DISC1: variants seen among roughly 807,000 people sequenced by gnomAD.
DISC1 encodes disrupted in schizophrenia 1 protein.
A neutral mutation model predicts 84.5 loss-of-function variants in DISC1; 57 were observed. The ratio of observed to expected loss-of-function variants is 0.67; its 90% confidence interval spans 0.55 to 0.84. DISC1 has a LOEUF of 0.84. Ranked by LOEUF, DISC1 falls within the 40% of genes least tolerant of loss-of-function variation. DISC1 has a pLI of 0.00. For missense variants in DISC1, 1,000 were observed against 1,057.8 expected (o/e 0.95, Z 0.76); for synonymous variants, 411 against 415.2 (o/e 0.99, Z 0.12).
intron 1 of DISC1, among the ~76,000 whole-genome samples, chr1:231,660,286 A>G (rs1372129640): frequency 1.3e-5 from 2 of 152,012 alleles, no homozygotes. Flanking sequence ...AGAAATTAGG[A>G]TTGCAACCCC....
chr1:231,824,095 A>T (rs1031592010), intron 9 of DISC1, among the ~76,000 whole-genome samples: 2 of 152,110 alleles, frequency 1.3e-5, no homozygotes, highest in African/African-American at 2.4e-5. Flanking sequence ...TATCCTGTAC[A>T]CTCACCAAAT....
At chr1:231,900,200 G>T (rs889542670) in intron 9 of DISC1, among the ~76,000 whole-genome samples, 1 of 152,112 alleles carries the variant, frequency 6.6e-6, no homozygotes, top group Non-Finnish European at 1.5e-5. Flanking sequence ...ACAGGAGATC[G>T]CTATTATCAG....
chr1:231,929,467 C>CGTCTATTAGTCTGCCGCTGTGCTGTT (rs2090528816), intron 9 of DISC1, among the ~76,000 whole-genome samples: 1 of 152,206 alleles, frequency 6.6e-6, no homozygotes, highest in Non-Finnish European at 1.5e-5. Flanking sequence ...TTCATGCTGT[C>CGTCTATTAGTCTGCCGCTGTGCTGTT]GTCTATTAGT....
At chr1:231,943,150 G>C (rs1182359758) in intron 9 of DISC1, among the ~76,000 whole-genome samples, 2 of 152,220 alleles carry the variant, frequency 1.3e-5, no homozygotes, top group Non-Finnish European at 2.9e-5. Context: ...GCTAAATATA[G>C]CATGTTCTAT....
At chr1:231,809,314 C>G (rs940501579) in intron 8 of DISC1, among the ~76,000 whole-genome samples, 1 of 152,092 alleles carries the variant, frequency 6.6e-6, no homozygotes, top group Admixed American at 6.5e-5. Flanking sequence ...AGTGAGGGAG[C>G]CTGGTGAGGG....
At chr1:231,869,382 G>T (rs1181272098) in intron 9 of DISC1, among the ~76,000 whole-genome samples, 1 of 152,112 alleles carries the variant, frequency 6.6e-6, no homozygotes, top group African/African-American at 2.4e-5. Context: ...AGATGTCAAA[G>T]ATGAAGACCT....
intron 9 of DISC1, among the ~76,000 whole-genome samples, chr1:231,868,692 T>TTTTATATATATATA (rs2085227096): frequency 1.8e-5 from 2 of 108,842 alleles, no homozygotes; most frequent in Admixed American, 1.0e-4. Context: ...ACCCCATCTC[T>TTTTATATATATATA]TATATATATA....
chr1:231,716,491 A>C (rs1201201487), intron 3 of DISC1, among the ~76,000 whole-genome samples: 1 of 152,084 alleles, frequency 6.6e-6, no homozygotes, highest in Admixed American at 6.6e-5. Context: ...TTTCTGCCTG[A>C]TGCTTTGTTG....
At chr1:231,867,937 G>T (rs1574331150) in intron 9 of DISC1, among the ~76,000 whole-genome samples, 1 of 152,206 alleles carries the variant, frequency 6.6e-6, no homozygotes. Flanking sequence ...GCAAGGGAGA[G>T]AAAAAAGCTG....
At chr1:231,659,192 T>C (rs2061381573) in intron 1 of DISC1, among the ~76,000 whole-genome samples, 1 of 152,208 alleles carries the variant, frequency 6.6e-6, no homozygotes, top group African/African-American at 2.4e-5. Flanking sequence ...TTCAATTTCT[T>C]CCTGGTTCAG....
intron 10 of DISC1, among the ~76,000 whole-genome samples, chr1:231,966,300 C>T (rs1313776683): frequency 3.3e-5 from 5 of 152,194 alleles, no homozygotes; most frequent in Non-Finnish European, 7.3e-5. Flanking sequence ...TACTCTCACT[C>T]CTTCAGGGTT....
Position 231,928,780 on chromosome 1 carries a change from G to T in DISC1, c.1982-30048G>T, listed in dbSNP as rs189573759. ...TGACTTTGTTCTCATTGGTTTCAAAGAACTTATTTATTCCTGCCTTAATTT... is the reference window on the plus strand; with the variant it reads ...TGACTTTGTTCTCATTGGTTTCAAATAACTTATTTATTCCTGCCTTAATTT... On this transcript the variant is annotated intron_variant, in intron 9 of 12. Transcript: ENST00000439617. Among the ~76,000 whole-genome samples the T allele has an allele frequency of 2.5e-4, 38 of 152,290 alleles. 2 individuals carry two copies. The East Asian group carries it at 5.8e-3, about 23-fold the overall frequency.
Position 232,029,848 on chromosome 1 carries a change from C to T in DISC1, c.2425+3296C>T, listed in dbSNP as rs148824171. Reference sequence around the variant, plus strand: ...AGGGGTGGGCAGTGGGACTGAGTTTCCAAATAGGTCCTTGTGGCCTCCTGA... The same window carrying T: ...AGGGGTGGGCAGTGGGACTGAGTTTTCAAATAGGTCCTTGTGGCCTCCTGA... On this transcript the variant is annotated intron_variant, in intron 12 of 12. Transcript: ENST00000439617. 8.6e-3 allele frequency among the ~76,000 whole-genome samples: 1,305 copies of T among 152,284 alleles called. 10 individuals are homozygous for T. Among genetic ancestry groups the T allele is most frequent in the Middle Eastern group, 0.031 (9 of 294 alleles).
intron 3 of DISC1, chr1:231,723,181 G>A (rs939102547): frequency 2.4e-6 from 2 of 848,600 alleles, no homozygotes; most frequent in Non-Finnish European, 2.9e-6. Flanking sequence ...TACACTTGGC[G>A]AATGCTGTAT....
Position 231,767,264 on chromosome 1 carries a change from C to CTG in DISC1, c.1394_1395insGT (p.Gln466TyrfsTer22). On this transcript the variant is annotated frameshift_variant, in exon 5 of 13. Transcript: ENST00000439617. LOFTEE classifies it high-confidence loss of function. ...CTGGCTTCTTCAGGAAAAGCAGCAGCTACAGGTGAGCAGGTGAAAGATCTT... is the reference window on the plus strand; with the variant it reads ...CTGGCTTCTTCAGGAAAAGCAGCAGCTGTACAGGTGAGCAGGTGAAAGATCTT... 6.2e-7 allele frequency: 1 copy of CTG among 1,614,082 alleles called. No homozygotes were observed. Among genetic ancestry groups the CTG allele is most frequent in the South Asian group, 1.1e-5 (1 of 91,072 alleles).
At chr1:231,748,880 C>T (rs2074297437) in intron 3 of DISC1, among the ~76,000 whole-genome samples, 1 of 152,170 alleles carries the variant, frequency 6.6e-6, no homozygotes, top group South Asian at 2.1e-4. Context: ...TGCTTCTAAT[C>T]TGGAGCAATG....
intron 11 of DISC1, among the ~76,000 whole-genome samples, chr1:232,010,491 C>G (rs981821332): frequency 4.6e-5 from 7 of 152,164 alleles, no homozygotes; most frequent in African/African-American, 1.7e-4. Context: ...GTCATTGATT[C>G]TGCTGGAGGC....
chr1:231,816,075 C>A (rs2080944232), intron 8 of DISC1, among the ~76,000 whole-genome samples: 1 of 152,140 alleles, frequency 6.6e-6, no homozygotes, highest in African/African-American at 2.4e-5. Flanking sequence ...ATTTTACATG[C>A]GTGAGAGTTC....
chr1:231,696,954 C>A (rs539109966), intron 2 of DISC1, among the ~76,000 whole-genome samples: 1 of 152,136 alleles, frequency 6.6e-6, no homozygotes, highest in Non-Finnish European at 1.5e-5. Flanking sequence ...TGTGTGACAG[C>A]GGAATTAACA....
Sources: gnomAD v4.1 joint callset for allele counts (sites outside exome capture counted in the v4.1 genomes callset) on GRCh38, gnomAD v4.1.1 for gene constraint, MANE v1.5 for transcripts, NCBI Gene and HGNC (gene_info 2026-07-23, HGNC 2026-07-21) for gene names.